The following MCC variants were observed in gnomAD, a reference collection of about 807,000 sequenced individuals.
MCC encodes the protein MCC regulator of Wnt signaling pathway, also known as colorectal mutant cancer protein.
A neutral mutation model predicts 116.2 loss-of-function variants in MCC; 90 were observed. That is an observed-to-expected ratio of 0.77 (90% confidence interval 0.65 to 0.92). MCC has a LOEUF of 0.92. Among genes scored for constraint, MCC ranks in the 40% least tolerant of loss-of-function variants. The pLI is 0.00. For synonymous variants in MCC, 578 were observed against 510.5 expected, an observed-to-expected ratio of 1.13 and a Z score of -1.78; for missense variants, 1,516 against 1,312.2, an observed-to-expected ratio of 1.16 and a Z score of -2.40.
chr5:113,171,445 C>T (rs1274608751), intron 3 of MCC, among the ~76,000 whole-genome samples: 2 of 151,788 alleles, frequency 1.3e-5, no homozygotes, highest in African/African-American at 4.8e-5. Flanking sequence ...AACTCTGTCT[C>T]CTGGGTTCAA....
chr5:113,434,784 C>T lies in MCC; in HGVS notation c.171-49572G>A. On this transcript the variant is annotated intron_variant, in intron 1 of 18. Coordinates refer to ENST00000408903, the MANE Select transcript of MCC (RefSeq NM_001085377.2). The surrounding 1 kb of genome is among the most constrained non-coding windows in gnomAD (Gnocchi z 4.2). Reference sequence around the variant, plus strand: ...TTTTACTTTTGCATAGGAGCCCTCTCCTAAATTTATCCCCAGGAGGTAGCC... The same window carrying T: ...TTTTACTTTTGCATAGGAGCCCTCTTCTAAATTTATCCCCAGGAGGTAGCC... 6.2e-7 allele frequency: 1 copy of T among 1,613,658 alleles called. No individual in the cohort carries two copies. Among genetic ancestry groups the T allele is most frequent in the Non-Finnish European group, 8.5e-7 (1 of 1,179,612 alleles).
chr5:113,162,769 G>C (rs1561416705), intron 3 of MCC, among the ~76,000 whole-genome samples: 1 of 152,114 alleles, frequency 6.6e-6, no homozygotes, highest in Admixed American at 6.6e-5. Flanking sequence ...AAAGTGCTGG[G>C]ATTACAAGCT....
chr5:113,280,949 T>G (rs1766025307), intron 3 of MCC, among the ~76,000 whole-genome samples: 1 of 152,182 alleles, frequency 6.6e-6, no homozygotes, highest in Non-Finnish European at 1.5e-5. Flanking sequence ...GGGCTTAGGT[T>G]TAGGGCTTCT....
intron 1 of MCC, among the ~76,000 whole-genome samples, chr5:113,459,581 T>G (rs1771688457): frequency 6.6e-6 from 1 of 151,964 alleles, no homozygotes; most frequent in Non-Finnish European, 1.5e-5. Flanking sequence ...AGAATCTTAT[T>G]TTGCCTCTGA....
At chr5:113,296,917 A>T (rs977332165) in intron 3 of MCC, among the ~76,000 whole-genome samples, 3 of 152,186 alleles carry the variant, frequency 2.0e-5, no homozygotes, top group African/African-American at 7.2e-5. Flanking sequence ...TGTTCAACCA[A>T]AAGAAAAGTA....
At chr5:113,442,005 C>T (rs1012265691) in intron 1 of MCC, among the ~76,000 whole-genome samples, 2 of 152,068 alleles carry the variant, frequency 1.3e-5, no homozygotes, top group Non-Finnish European at 2.9e-5. Context: ...GGGTATATAC[C>T]CATTAATGGA....
chr5:113,373,304 G>A (rs916820048), intron 2 of MCC, among the ~76,000 whole-genome samples: 2 of 152,032 alleles, frequency 1.3e-5, no homozygotes, highest in Non-Finnish European at 2.9e-5. Flanking sequence ...GACATACTCT[G>A]AAAAGACACA....
intron 4 of MCC, among the ~76,000 whole-genome samples, chr5:113,149,049 C>T (rs1759687823): frequency 1.3e-5 from 2 of 152,124 alleles, no homozygotes; most frequent in East Asian, 3.9e-4. Flanking sequence ...CCTTCCTGGT[C>T]ACTTTTTAAA....
At chr5:113,457,541 G>A (rs1771607616) in intron 1 of MCC, among the ~76,000 whole-genome samples, 1 of 152,214 alleles carries the variant, frequency 6.6e-6, no homozygotes, top group African/African-American at 2.4e-5. Flanking sequence ...CGCATGGCGT[G>A]GGACTGGCAG....
intron 3 of MCC, among the ~76,000 whole-genome samples, chr5:113,285,726 T>C (rs1180208254): frequency 1.3e-5 from 2 of 152,340 alleles, no homozygotes; most frequent in Non-Finnish European, 2.9e-5. Context: ...CTGAGAGTTT[T>C]TCCTTTACAG....
intron 3 of MCC, among the ~76,000 whole-genome samples, chr5:113,216,549 GAC>G (rs1342480552): frequency 6.6e-6 from 1 of 152,194 alleles, no homozygotes; most frequent in Non-Finnish European, 1.5e-5. Flanking sequence ...TCAGCACAGT[GAC>G]AGGCACACAG....
intron 3 of MCC, among the ~76,000 whole-genome samples, chr5:113,204,732 C>T (rs753963292): frequency 1.1e-4 from 16 of 152,190 alleles, no homozygotes; most frequent in African/African-American, 4.8e-5. Flanking sequence ...CTCTGTCCCA[C>T]GGTTATGATC....
At chr5:113,252,499 CA>C (rs1764840153) in intron 3 of MCC, among the ~76,000 whole-genome samples, 1 of 152,198 alleles carries the variant, frequency 6.6e-6, no homozygotes, top group African/African-American at 2.4e-5. Context: ...TGTCTGCCAT[CA>C]CCCCCAGATG....
In MCC at chr5:113,434,020, G is replaced by C. The variant is rs770638043; in HGVS notation, c.171-48808C>G. 1.9e-6 allele frequency: 3 copies of C among 1,613,922 alleles called. No homozygotes were observed. In the African/African-American group the frequency reaches 4.0e-5, roughly 22 times the overall value. On this transcript the variant is annotated intron_variant, in intron 1 of 18. Transcript: ENST00000408903. This position sits in a 1 kb window ranked among gnomAD's most constrained non-coding sequence, Gnocchi z 4.2. ...ACAGAGGGAGATCCCCGTGCCTTGG[G>C]CTGCATCCAGCAGTGGCTGAGGATC...
intron 3 of MCC, 114 bp downstream of exon 3, chr5:113,340,405 T>C: frequency 2.2e-6 from 2 of 900,694 alleles, no homozygotes; most frequent in Non-Finnish European, 1.7e-6. Context: ...GTACAATATT[T>C]ACCGCAATAA....
chr5:113,191,847 G>A (rs1762165903), intron 3 of MCC, among the ~76,000 whole-genome samples: 1 of 152,154 alleles, frequency 6.6e-6, no homozygotes, highest in African/African-American at 2.4e-5. Flanking sequence ...GTGTCAAGTT[G>A]TTGTTTTTCT....
chr5:113,168,558 C>T (rs1273795986), intron 3 of MCC, among the ~76,000 whole-genome samples: 1 of 152,130 alleles, frequency 6.6e-6, no homozygotes, highest in African/African-American at 2.4e-5. Flanking sequence ...TAAATCTATG[C>T]CATGAAAGAA....
chr5:113,220,972 G>A (rs1336600827), intron 3 of MCC, among the ~76,000 whole-genome samples: 2 of 152,196 alleles, frequency 1.3e-5, no homozygotes, highest in Non-Finnish European at 2.9e-5. Context: ...GGAGAGCAAG[G>A]CGTGTGGATT....
At chr5:113,334,821 C>T (rs35359071) in intron 3 of MCC, among the ~76,000 whole-genome samples, 17,872 of 150,550 alleles carry the variant, frequency 0.12, 1,319 homozygotes, top group Non-Finnish European at 0.17. Context: ...GAACTCCTGA[C>T]CTTAGGTGAT....
Sources: allele counts gnomAD v4.1 joint callset (sites outside exome capture counted in the v4.1 genomes callset), GRCh38; gene constraint gnomAD v4.1.1; non-coding constraint Gnocchi (gnomAD v3.1); transcripts MANE v1.5; gene names NCBI Gene and HGNC (gene_info 2026-07-23, HGNC 2026-07-21).